Variants in PCDHA11 observed in about 807,000 individuals in gnomAD.
PCDHA11 encodes the protein protocadherin alpha-11.
A neutral mutation model predicts 70.3 loss-of-function variants in PCDHA11; 61 were observed. That is an observed-to-expected ratio of 0.87 (90% CI 0.71 to 1.07). The LOEUF (loss-of-function observed/expected upper bound fraction) is 1.07, where lower values mean the gene tolerates loss of function less well. Among genes scored for constraint, PCDHA11 ranks in the 50% least tolerant of loss-of-function variants. The pLI is 0.00. For synonymous variants in PCDHA11, 633 were observed against 555.1 expected (o/e 1.14, Z -1.97); for missense variants, 1,324 against 1,237.5 (o/e 1.07, Z -1.05).
chr5:140,899,485 G>T (rs2067355642), intron 1 of PCDHA11, among the ~76,000 whole-genome samples: 2 of 152,140 alleles, frequency 1.3e-5, no homozygotes, highest in African/African-American at 4.8e-5. Flanking sequence ...TTATATGCTG[G>T]ATTACATTTA....
chr5:140,874,187 C>A (rs1554167080), intron 1 of PCDHA11, among the ~76,000 whole-genome samples: 1 of 152,168 alleles, frequency 6.6e-6, no homozygotes, highest in Non-Finnish European at 1.5e-5. Context: ...GTAAAGGTGT[C>A]ATATTTCAGT....
chr5:140,918,680 C>A (rs1291001659), intron 1 of PCDHA11, among the ~76,000 whole-genome samples: 2 of 152,084 alleles, frequency 1.3e-5, no homozygotes, highest in Admixed American at 1.3e-4. Flanking sequence ...GAGGTGAGAC[C>A]TTTCAAACAT....
intron 1 of PCDHA11, among the ~76,000 whole-genome samples, chr5:140,972,527 C>A (rs1173109086): frequency 6.6e-6 from 1 of 152,092 alleles, no homozygotes; most frequent in Non-Finnish European, 1.5e-5. Flanking sequence ...GAGCTTATTT[C>A]ATAAATCACT....
chr5:140,877,516 G>A, intron 1 of PCDHA11: 1 of 1,613,816 alleles, frequency 6.2e-7, no homozygotes, highest in Non-Finnish European at 8.5e-7. Flanking sequence ...GTCGTCGCGG[G>A]CCTCAGTGGG....
chr5:140,943,823 G>A (rs1431339857), intron 1 of PCDHA11, among the ~76,000 whole-genome samples: 3 of 152,206 alleles, frequency 2.0e-5, no homozygotes, highest in African/African-American at 7.2e-5. Flanking sequence ...AAGAAAATGA[G>A]TTGATTGAAG....
chr5:141,001,278 C>T (rs182360019), intron 3 of PCDHA11, among the ~76,000 whole-genome samples: 500 of 152,168 alleles, frequency 3.3e-3, no homozygotes, highest in Admixed American at 5.6e-3. Context: ...ACTTTTTTTA[C>T]GGATGAAAAC....
At position 140,928,541 on chromosome 5, in the gene PCDHA11, A is replaced by T. The variant is rs149868042; in HGVS notation, c.2392-50408A>T. Reference sequence around the variant, plus strand: ...AACTTGTTTGTGGTAGATAGGAATGACAATTATCCGGTTATCTTGTTTCCC... The same window carrying T: ...AACTTGTTTGTGGTAGATAGGAATGTCAATTATCCGGTTATCTTGTTTCCC... On this transcript the variant is annotated intron_variant, in intron 1 of 3. Transcript: ENST00000398640. 1,755 of 1,614,192 alleles carry T rather than the reference A, an allele frequency of 1.1e-3. 11 individuals carry two copies. In the African/African-American group the frequency reaches 0.015, roughly 13 times the overall value.
At chr5:140,908,727 G>A (rs1388044565) in intron 1 of PCDHA11, among the ~76,000 whole-genome samples, 1 of 152,136 alleles carries the variant, frequency 6.6e-6, no homozygotes, top group Non-Finnish European at 1.5e-5. Context: ...GGGTCATATG[G>A]CTCGAGAAAC....
Position 140,978,838 on chromosome 5 carries a change from A to G in PCDHA11, c.2392-111A>G, listed in dbSNP as rs571929271. 3.9e-6 allele frequency: 6 copies of G among 1,554,610 alleles called. No homozygotes were observed. In the African/African-American group the frequency reaches 5.5e-5, roughly 14 times the overall value. On this transcript the variant is annotated intron_variant, in intron 1 of 3. Transcript: ENST00000398640. ...TTACACATGAAATGGCTCATTCAAT[A>G]CTTTTTTAGATGCCTGGAAATATTT... is the stretch of plus-strand genomic sequence containing the variant.
chr5:141,010,396 C>A lies in PCDHA11; in HGVS notation c.*459C>A. 7.5e-7 allele frequency: 1 copy of A among 1,337,260 alleles called. No individual in the cohort carries two copies. Among genetic ancestry groups the A allele is most frequent in the Non-Finnish European group, 1.0e-6 (1 of 999,990 alleles). 82.8% of individuals were successfully genotyped at this position (1,337,260 alleles called of 1,614,324 possible). On this transcript the variant is annotated 3_prime_UTR_variant, in exon 4 of 4. Coordinates refer to ENST00000398640, the MANE Select transcript of PCDHA11 (RefSeq NM_018902.5). ...GTGCCAGATATTGGCTGAGACGAGC[C>A]AGCTTAGACTAATTGGTACAAGGAA...
chr5:140,869,532 G>A lies in PCDHA11; in HGVS notation c.429G>A (p.Ala143=), dbSNP rs917843661. 3 of 1,614,130 alleles carry A rather than the reference G, an allele frequency of 1.9e-6. No individual in the cohort carries two copies. Among genetic ancestry groups the A allele is most frequent in the Non-Finnish European group, 1.7e-6 (2 of 1,180,034 alleles). Residue 143 remains alanine (A), a synonymous_variant, in exon 1 of 4, where the codon GCG becomes GCA. Transcript: ENST00000398640. ...TCAGAGAACAAAAGCTGCTGATTGCGGAATCTAAGCAATCGGACTCGCGTT... is the reference window on the plus strand; with the variant it reads ...TCAGAGAACAAAAGCTGCTGATTGCAGAATCTAAGCAATCGGACTCGCGTT... ...FSLREQKLLI[A]ESKQSDSRFP...
chr5:140,938,113 C>CT (rs1337308557), intron 1 of PCDHA11, among the ~76,000 whole-genome samples: 1 of 152,056 alleles, frequency 6.6e-6, no homozygotes, highest in Non-Finnish European at 1.5e-5. Context: ...TACTTTCTCT[C>CT]TTTTTTTAAA....
intron 1 of PCDHA11, chr5:140,927,771 G>C: frequency 6.2e-7 from 1 of 1,614,210 alleles, no homozygotes; most frequent in Non-Finnish European, 8.5e-7. Flanking sequence ...GTGGGGAGGT[G>C]CAAGTAGCTG....
intron 2 of PCDHA11, 96 bp from the exon 3 acceptor site, chr5:140,982,379 C>T (rs959359344): frequency 1.4e-5 from 22 of 1,575,004 alleles, no homozygotes; most frequent in South Asian, 3.5e-5. Context: ...TAGCTGCAGC[C>T]CTGGCTTCAT....
intron 1 of PCDHA11, among the ~76,000 whole-genome samples, chr5:140,917,333 G>C (rs1301739777): frequency 6.7e-5 from 10 of 148,748 alleles, no homozygotes; most frequent in East Asian, 2.0e-4. Flanking sequence ...GCGGGGGAGG[G>C]GGGGGATGGT....
chr5:140,920,847 A>G (rs1410435400), intron 1 of PCDHA11, among the ~76,000 whole-genome samples: 1 of 152,028 alleles, frequency 6.6e-6, no homozygotes, highest in Non-Finnish European at 1.5e-5. Flanking sequence ...AATCTAAAAA[A>G]AAAAAAAAAA....
At chr5:140,986,694 C>T (rs556228464) in intron 3 of PCDHA11, among the ~76,000 whole-genome samples, 1 of 152,266 alleles carries the variant, frequency 6.6e-6, no homozygotes, top group South Asian at 2.1e-4. Context: ...TTTCAAAACA[C>T]ACAGCACTGC....
rs374659815 is a variant in PCDHA11 at position 140,871,353 on chromosome 5, G to A, written c.2250G>A (p.Ser750=). 3.6e-5 allele frequency: 58 copies of A among 1,614,214 alleles called. No homozygotes were observed. The African/African-American group carries it at 5.1e-4, about 14-fold the overall frequency. ...GCGCGGTGGGGAGCTGGTCATACTC[G>A]CAGCAGAGGCGGCAGAGGGTGTGCT... ...CSRAVGSWSY[S]QQRRQRVCSE... The change falls in exon 1 of 4, where the codon TCG becomes TCA. Residue 750 remains serine, a synonymous_variant. Coordinates refer to ENST00000398640, the MANE Select transcript of PCDHA11 (RefSeq NM_018902.5).
rs59031154 is a variant in PCDHA11 at position 140,884,790 on chromosome 5, T to C, written c.2391+13296T>C. ...TTAATTTTAATTTTGCTAGTTGTTATCGAATTTAACAACTCTGCTGTGGAC... is the reference window on the plus strand; with the variant it reads ...TTAATTTTAATTTTGCTAGTTGTTACCGAATTTAACAACTCTGCTGTGGAC... On this transcript the variant is annotated intron_variant, in intron 1 of 3. Transcript: ENST00000398640. 1.6e-3 allele frequency: 2,209 copies of C among 1,352,036 alleles called. 33 individuals are homozygous for C. In the African/African-American group the frequency reaches 0.03, roughly 18 times the overall value. The allele number at this position is 1,352,036 out of a possible 1,614,324, so 83.8% of individuals were successfully genotyped here.
Sources: gnomAD v4.1 joint callset for allele counts (sites outside exome capture counted in the v4.1 genomes callset) on GRCh38, gnomAD v4.1.1 for gene constraint, MANE v1.5 for transcripts, NCBI Gene and HGNC (gene_info 2026-07-23, HGNC 2026-07-21) for gene names.